PRDM6: variants seen among roughly 807,000 people sequenced by gnomAD.
PRDM6 encodes PR/SET domain 6, also known as putative histone-lysine N-methyltransferase PRDM6.
In PRDM6, 25 loss-of-function variants were observed where a neutral mutation model predicts 60.8. The ratio of observed to expected loss-of-function variants is 0.41; its 90% CI spans 0.30 to 0.57. PRDM6 has a LOEUF of 0.57. Among genes scored for constraint, PRDM6 ranks in the 20% least tolerant of loss-of-function variants. The probability of loss-of-function intolerance (pLI) is 0.27; values close to 1 mark genes in which losing one functional copy is unlikely to be tolerated. For synonymous variants in PRDM6, 407 were observed against 357.4 expected (o/e 1.14, Z -1.57); for missense variants, 839 against 821.3 (o/e 1.02, Z -0.26).
At chr5:123,090,690 C>T in intron 2 of PRDM6, 84 bp downstream of exon 2, 1 of 238,776 alleles carries the variant, frequency 4.2e-6, no homozygotes, top group Non-Finnish European at 6.5e-6. Context: ...GGAGGCGGGT[C>T]GGATAGGAGT....
chr5:123,106,596 G>C (rs41335447), intron 3 of PRDM6, among the ~76,000 whole-genome samples: 2,890 of 152,272 alleles, frequency 0.019, 41 homozygotes, highest in Non-Finnish European at 0.03. Context: ...ACACAAATAA[G>C]CTTGCTCTTT....
intron 7 of PRDM6, among the ~76,000 whole-genome samples, chr5:123,182,325 T>G (rs955480622): frequency 6.6e-6 from 1 of 152,184 alleles, no homozygotes; most frequent in Admixed American, 6.5e-5. Flanking sequence ...TGCCTGTGCC[T>G]TTGAGCAAGA....
At chr5:123,093,774 TAG>T (rs1561796031) in intron 2 of PRDM6, among the ~76,000 whole-genome samples, 1 of 152,182 alleles carries the variant, frequency 6.6e-6, no homozygotes, top group African/African-American at 2.4e-5. Flanking sequence ...TCTTGAAAAG[TAG>T]AGAGAGACAG....
chr5:123,152,142 A>G (rs573254722), intron 3 of PRDM6, among the ~76,000 whole-genome samples: 1 of 152,286 alleles, frequency 6.6e-6, no homozygotes, highest in South Asian at 2.1e-4. Context: ...CTGTCACTTC[A>G]AACAGTTTTC....
At chr5:123,106,596 G>T (rs41335447) in intron 3 of PRDM6, among the ~76,000 whole-genome samples, 1 of 152,158 alleles carries the variant, frequency 6.6e-6, no homozygotes, top group African/African-American at 2.4e-5. Context: ...ACACAAATAA[G>T]CTTGCTCTTT....
In PRDM6 at chr5:123,189,912, C is replaced by G. The variant is rs1398163961; in HGVS notation, c.*2711C>G. 2.0e-5 allele frequency: 3 copies of G among 152,194 alleles called. No individual in the cohort carries two copies. The highest frequency in any genetic ancestry group is 7.2e-5 in the African/African-American group (3 of 41,462). The allele number at this position is 152,194 out of a possible 1,614,324, so 9.4% of individuals were successfully genotyped here. ...AGTGTATGCTGGGGAGGAGGTTTCT[C>G]TTTGAAACTTCCTAACAATTGCTTT... On this transcript the variant is annotated 3_prime_UTR_variant, in exon 8 of 8. Coordinates refer to ENST00000407847, the MANE Select transcript of PRDM6 (RefSeq NM_001136239.4).
In PRDM6 at chr5:123,135,223, A is replaced by G. The variant is rs117000323; in HGVS notation, c.901-20661A>G. On this transcript the variant is annotated intron_variant, in intron 3 of 7. Coordinates refer to ENST00000407847, the MANE Select transcript of PRDM6 (RefSeq NM_001136239.4). ...CACAAGTGGGAAGTGTTATCATATT[A>G]ACATGAATGAAGCTACCTTTGCCTG... Among the ~76,000 whole-genome samples the G allele has an allele frequency of 7.2e-5, 11 of 152,338 alleles. 1 individual carries two copies. In the East Asian group the frequency reaches 2.1e-3, roughly 29 times the overall value.
intron 2 of PRDM6, among the ~76,000 whole-genome samples, chr5:123,092,172 T>TTA (rs1343336832): frequency 1.6e-4 from 24 of 152,366 alleles, no homozygotes; most frequent in African/African-American, 5.8e-4. Context: ...TTTTACAACA[T>TTA]TATACTCTCC....
intron 3 of PRDM6, among the ~76,000 whole-genome samples, chr5:123,123,339 T>G (rs1214770437): frequency 1.3e-5 from 2 of 152,226 alleles, no homozygotes; most frequent in Non-Finnish European, 2.9e-5. Context: ...AAAACACCTT[T>G]TGGAGGTCTG....
chr5:123,112,168 G>A (rs1764329415), intron 3 of PRDM6, among the ~76,000 whole-genome samples: 1 of 151,354 alleles, frequency 6.6e-6, no homozygotes, highest in Non-Finnish European at 1.5e-5. Context: ...TCCAGAGGAA[G>A]TGGCCCACTG....
chr5:123,150,951 T>C (rs182607692), intron 3 of PRDM6, among the ~76,000 whole-genome samples: 9 of 152,324 alleles, frequency 5.9e-5, no homozygotes, highest in Non-Finnish European at 1.3e-4. Context: ...TTAATCCTAG[T>C]TGTTAATACT....
At chr5:123,120,456 T>C (rs375752348) in intron 3 of PRDM6, among the ~76,000 whole-genome samples, 102 of 152,216 alleles carry the variant, frequency 6.7e-4, no homozygotes, top group African/African-American at 2.4e-3. Flanking sequence ...AGTGGGGTGG[T>C]GGGGGTAGCT....
intron 3 of PRDM6, among the ~76,000 whole-genome samples, chr5:123,131,515 C>T (rs183435564): frequency 9.2e-5 from 14 of 152,212 alleles, no homozygotes; most frequent in African/African-American, 2.9e-4. Context: ...CAGCATTTAC[C>T]GTATGCCTGG....
At chr5:123,094,295 C>CT (rs1418653879) in intron 2 of PRDM6, among the ~76,000 whole-genome samples, 1 of 152,190 alleles carries the variant, frequency 6.6e-6, no homozygotes, top group African/African-American at 2.4e-5. Flanking sequence ...CACCAGCAGG[C>CT]TTTTTGTGCA....
chr5:123,143,389 T>A (rs1765165708), intron 3 of PRDM6, among the ~76,000 whole-genome samples: 1 of 152,164 alleles, frequency 6.6e-6, no homozygotes, highest in African/African-American at 2.4e-5. Flanking sequence ...AAGAAGGGAA[T>A]CAATCCCACG....
At position 123,099,533 on chromosome 5, in the gene PRDM6, C is replaced by A; in HGVS notation, c.593-121C>A. The A allele has an allele frequency of 1.1e-6, 1 of 895,998 alleles. No homozygotes were observed. Among genetic ancestry groups the A allele is most frequent in the Non-Finnish European group, 1.6e-6 (1 of 623,288 alleles). 55.5% of individuals were successfully genotyped at this position (895,998 alleles called of 1,614,324 possible). ...GGTGCCCCCAAGGCATCACCTTCCTCGAAGGTGGCTTACCCAGGCGGGCGG... is the reference window on the plus strand; with the variant it reads ...GGTGCCCCCAAGGCATCACCTTCCTAGAAGGTGGCTTACCCAGGCGGGCGG... On this transcript the variant is annotated intron_variant, in intron 2 of 7. Transcript: ENST00000407847. The surrounding 1 kb of genome is among the most constrained non-coding windows in gnomAD (Gnocchi z 4.0).
At position 123,171,184 on chromosome 5, in the gene PRDM6, CA is replaced by C. The variant is rs975867409; in HGVS notation, c.1496+77del. The C allele has an allele frequency of 1.2e-5, 15 of 1,201,064 alleles. No individual in the cohort carries two copies. The African/African-American group carries it at 2.3e-4, about 18-fold the overall frequency. 74.4% of individuals were successfully genotyped at this position (1,201,064 alleles called of 1,614,324 possible). A position where few individuals can be genotyped will look rare whatever the true frequency, so the allele number is the denominator to read the frequency against. On this transcript the variant is annotated intron_variant, in intron 6 of 7. Coordinates refer to ENST00000407847, the MANE Select transcript of PRDM6 (RefSeq NM_001136239.4). ...GCTTGCCTTCCCGCCAACTTCTGAG[CA>C]CCTCCACAGGGGAAGCCCTGTGATT...
intron 3 of PRDM6, among the ~76,000 whole-genome samples, chr5:123,101,156 T>C (rs548888471): frequency 6.6e-6 from 1 of 152,242 alleles, no homozygotes; most frequent in South Asian, 2.1e-4. Flanking sequence ...ATTAATCCAC[T>C]CAAATTTTTG....
chr5:123,099,980 A>G lies in PRDM6; in HGVS notation c.900+19A>G, dbSNP rs1377837712. ...CTGGGAGGTAAGTGGCCGGCTGCAC[A>G]GCGCCTCCCCACCGAGCAGGAGCCT... On this transcript the variant is annotated intron_variant, in intron 3 of 7. Coordinates refer to ENST00000407847, the MANE Select transcript of PRDM6 (RefSeq NM_001136239.4). The surrounding 1 kb of genome is among the most constrained non-coding windows in gnomAD (Gnocchi z 4.0). The G allele has an allele frequency of 6.7e-7, 1 of 1,486,434 alleles. No individual in the cohort carries two copies. The highest frequency in any genetic ancestry group is 2.1e-5 in the Admixed American group (1 of 46,618). The allele number at this position is 1,486,434 out of a possible 1,614,324, so 92.1% of individuals were successfully genotyped here.
Sources: gnomAD v4.1 joint callset for allele counts (sites outside exome capture counted in the v4.1 genomes callset) on GRCh38, gnomAD v4.1.1 for gene constraint, Gnocchi (gnomAD v3.1) non-coding constraint, MANE v1.5 for transcripts, NCBI Gene and HGNC (gene_info 2026-07-23, HGNC 2026-07-21) for gene names.